SENP7: variants seen among roughly 807,000 people sequenced by gnomAD.
The protein encoded by SENP7 is sentrin-specific protease 7.
Under a neutral mutation model 141.2 loss-of-function variants are expected in SENP7, and 64 were observed. That is an observed-to-expected ratio of 0.45 (90% CI 0.37 to 0.56). The LOEUF is 0.56. Among genes scored for constraint, SENP7 ranks in the 20% least tolerant of loss-of-function variants. The probability of loss-of-function intolerance (pLI) is 0.00; values close to 1 mark genes in which losing one functional copy is unlikely to be tolerated. For missense variants in SENP7, 1,025 were observed against 1,212.2 expected (o/e 0.85, Z 2.29); for synonymous variants, 382 against 426.4 (o/e 0.90, Z 1.28).
chr3:101,438,887 G>A (rs1404047704), intron 4 of SENP7, among the ~76,000 whole-genome samples: 1 of 151,390 alleles, frequency 6.6e-6, no homozygotes, highest in Non-Finnish European at 1.5e-5. Flanking sequence ...CGGGGCCCGA[G>A]GGCAAGGAGC....
chr3:101,487,793 T>A (rs1301533500), intron 3 of SENP7, among the ~76,000 whole-genome samples: 2 of 152,138 alleles, frequency 1.3e-5, no homozygotes, highest in Non-Finnish European at 2.9e-5. Context: ...TATTTCTGAG[T>A]TTTCTGTTCT....
chr3:101,481,962 A>C (rs1036289673), intron 3 of SENP7, among the ~76,000 whole-genome samples: 2 of 152,190 alleles, frequency 1.3e-5, no homozygotes, highest in African/African-American at 4.8e-5. Context: ...ATGCCTGCAT[A>C]AATAACTGGA....
chr3:101,433,694 A>C (rs2062272209), intron 4 of SENP7, among the ~76,000 whole-genome samples: 2 of 152,208 alleles, frequency 1.3e-5, no homozygotes, highest in African/African-American at 4.8e-5. Flanking sequence ...ATAATGATAA[A>C]GAGGTCAATT....
intron 2 of SENP7, among the ~76,000 whole-genome samples, chr3:101,499,535 A>ATTTTTTTTTTTTTTTTTTTTTT (rs55855998): frequency 0.011 from 1,459 of 138,362 alleles, 56 homozygotes; most frequent in Non-Finnish European, 0.015. Context: ...TGCCCAGCTA[A>ATTTTTTTTTTTTTTTTTTTTTT]TTTTTTTTTT....
intron 13 of SENP7, among the ~76,000 whole-genome samples, chr3:101,345,250 G>C (rs1035606207): frequency 2.6e-5 from 4 of 152,130 alleles, no homozygotes; most frequent in African/African-American, 9.7e-5. Flanking sequence ...TATGAAGTAT[G>C]ATGGTGGTAT....
At chr3:101,504,910 T>A (rs2065533464) in intron 1 of SENP7, among the ~76,000 whole-genome samples, 1 of 151,980 alleles carries the variant, frequency 6.6e-6, no homozygotes, top group South Asian at 2.1e-4. Context: ...TCTCAGCTGC[T>A]TGGGAGGCTG....
In SENP7 at chr3:101,473,197, G is replaced by T. The variant is rs139445857; in HGVS notation, c.187-14145C>A. 1.0e-3 allele frequency among the ~76,000 whole-genome samples: 152 copies of T among 152,300 alleles called. 1 individual carries two copies. Among genetic ancestry groups the T allele is most frequent in the African/African-American group, 3.3e-3 (138 of 41,558 alleles). The stretch of plus-strand genomic sequence containing the variant: ...ATAAATACTGCTGCAATAAACATAT[G>T]TGTGCATGTGTCTTTATAATAGAAC... On this transcript the variant is annotated intron_variant, in intron 3 of 23. Coordinates refer to ENST00000394095, the MANE Select transcript of SENP7 (RefSeq NM_020654.5).
intron 5 of SENP7, among the ~76,000 whole-genome samples, chr3:101,416,590 T>C (rs2061629413): frequency 6.6e-6 from 1 of 152,220 alleles, no homozygotes. Flanking sequence ...TGTCTGACTC[T>C]TAAGATTTAC....
intron 4 of SENP7, among the ~76,000 whole-genome samples, chr3:101,426,485 T>TG (rs992645507): frequency 3.8e-5 from 4 of 105,770 alleles, no homozygotes; most frequent in African/African-American, 1.6e-4. Context: ...GAAATAAGAT[T>TG]TTTTTTTTTT....
chr3:101,355,915 G>C (rs1232701999), intron 11 of SENP7, among the ~76,000 whole-genome samples: 2 of 152,046 alleles, frequency 1.3e-5, no homozygotes, highest in African/African-American at 4.8e-5. Flanking sequence ...TCATTGTAGA[G>C]ATCTTTCACC....
chr3:101,459,917 GA>G (rs1431224613), intron 3 of SENP7, among the ~76,000 whole-genome samples: 1 of 151,400 alleles, frequency 6.6e-6, no homozygotes, highest in Non-Finnish European at 1.5e-5. Context: ...GAGAAATTAA[GA>G]AAAAAAATTC....
chr3:101,365,865 G>A (rs1427772957), intron 9 of SENP7, among the ~76,000 whole-genome samples: 1 of 152,052 alleles, frequency 6.6e-6, no homozygotes, highest in Admixed American at 6.6e-5. Flanking sequence ...AAGCCATGAG[G>A]AGGCCTTAGT....
At position 101,501,080 on chromosome 3, in the gene SENP7, T is replaced by C. The variant is rs1188735840; in HGVS notation, c.80A>G (p.Asp27Gly). 1.4e-5 allele frequency: 23 copies of C among 1,605,252 alleles called. No individual in the cohort carries two copies. The highest frequency in any genetic ancestry group is 1.9e-5 in the Non-Finnish European group (22 of 1,174,772). ...AAAACAAATGCATACCTCCGATAAA[T>C]CAGAAGATGACTTTTTCCTTTTTCC... ...TEGKRKKSSSDLSEIRKMLNA... is the reference protein window; with the variant it reads ...TEGKRKKSSSGLSEIRKMLNA... Residue 27 changes from aspartate (D) to glycine (G), a missense_variant, in exon 2 of 24, where the codon GAT (aspartate) becomes GGT (glycine). Coordinates refer to ENST00000394095, the MANE Select transcript of SENP7 (RefSeq NM_020654.5).
In SENP7 at chr3:101,457,550, T is replaced by C. The variant is rs2063394881; in HGVS notation, c.284+1405A>G. 2.5e-6 allele frequency: 4 copies of C among 1,601,458 alleles called. No homozygotes were observed. In the South Asian group the frequency reaches 4.4e-5, roughly 18 times the overall value. On this transcript the variant is annotated intron_variant, in intron 4 of 23. Transcript: ENST00000394095. The stretch of plus-strand genomic sequence containing the variant: ...CTTGGTTTGTAAACATATGCACCTC[T>C]TCAATACCAAAGATATTGTTTACCC...
chr3:101,463,065 G>C (rs2063602620), intron 3 of SENP7, among the ~76,000 whole-genome samples: 1 of 151,556 alleles, frequency 6.6e-6, no homozygotes, highest in African/African-American at 2.4e-5. Flanking sequence ...CAATAACAAA[G>C]ACTAAAAACT....
intron 7 of SENP7, among the ~76,000 whole-genome samples, chr3:101,369,028 A>G (rs891117813): frequency 6.6e-6 from 1 of 152,208 alleles, no homozygotes; most frequent in Non-Finnish European, 1.5e-5. Context: ...TAAGTCTCCA[A>G]TAAATCCATC....
chr3:101,507,587 T>C (rs2065673025), intron 1 of SENP7, among the ~76,000 whole-genome samples: 1 of 152,164 alleles, frequency 6.6e-6, no homozygotes, highest in African/African-American at 2.4e-5. Flanking sequence ...TTATTAGATA[T>C]ATTACTTTGT....
intron 4 of SENP7, among the ~76,000 whole-genome samples, chr3:101,438,800 G>C (rs1487284384): frequency 1.3e-5 from 2 of 151,908 alleles, no homozygotes; most frequent in Middle Eastern, 3.2e-3. Flanking sequence ...ATTTAAAAAA[G>C]AATGAGTATC....
At position 101,393,581 on chromosome 3, in the gene SENP7, T is replaced by A. The variant is rs2060878327; in HGVS notation, c.677+5280A>T. Reference sequence around the variant, plus strand: ...AAGATATACAAATGTCCAATAGACATATGAAAAAATGCTCAACTTCACTAA... The same window carrying A: ...AAGATATACAAATGTCCAATAGACAAATGAAAAAATGCTCAACTTCACTAA... On this transcript the variant is annotated intron_variant, in intron 6 of 23. Coordinates refer to ENST00000394095, the MANE Select transcript of SENP7 (RefSeq NM_020654.5). 2.6e-5 allele frequency among the ~76,000 whole-genome samples: 4 copies of A among 152,270 alleles called. No individual in the cohort carries two copies. In the South Asian group the frequency reaches 6.2e-4, roughly 24 times the overall value.
Sources: gnomAD v4.1 joint callset for allele counts (sites outside exome capture counted in the v4.1 genomes callset) on GRCh38, gnomAD v4.1.1 for gene constraint, MANE v1.5 for transcripts, NCBI Gene and HGNC (gene_info 2026-07-23, HGNC 2026-07-21) for gene names.